The following PTPN12 variants were observed in gnomAD, a reference collection of about 807,000 sequenced individuals.
PTPN12 encodes protein tyrosine phosphatase non-receptor type 12.
Under a neutral mutation model 97.6 loss-of-function variants are expected in PTPN12, and 29 were observed. That is an observed-to-expected ratio of 0.30 (90% CI 0.22 to 0.41). PTPN12 has a LOEUF of 0.41. Ranked by LOEUF, PTPN12 falls within the 10% of genes least tolerant of loss-of-function variation. PTPN12 has a pLI of 1.00. For synonymous variants in PTPN12, 327 were observed against 300.4 expected (o/e 1.09, Z -0.91); for missense variants, 819 against 926.0 (o/e 0.88, Z 1.50).
intron 1 of PTPN12, among the ~76,000 whole-genome samples, chr7:77,570,480 A>G (rs1808425873): frequency 6.6e-6 from 1 of 152,262 alleles, no homozygotes; most frequent in South Asian, 2.1e-4. Context: ...ACTGACACGC[A>G]GAAATATTCC....
intron 14 of PTPN12, among the ~76,000 whole-genome samples, chr7:77,634,374 C>T (rs558640371): frequency 6.6e-6 from 1 of 152,226 alleles, no homozygotes; most frequent in African/African-American, 2.4e-5. Context: ...GTACATTTTA[C>T]CAATATATTA....
chr7:77,634,180 C>G (rs548751936), intron 14 of PTPN12, among the ~76,000 whole-genome samples: 5 of 151,490 alleles, frequency 3.3e-5, no homozygotes, highest in Admixed American at 2.0e-4. Context: ...AGTTTGGTAA[C>G]AGTGAGACCC....
intron 7 of PTPN12, among the ~76,000 whole-genome samples, chr7:77,599,310 G>A (rs943588755): frequency 3.9e-5 from 5 of 129,782 alleles, no homozygotes; most frequent in Non-Finnish European, 6.4e-5. Flanking sequence ...CCCCCACAGC[G>A]CCCCGACTTT....
At chr7:77,605,153 G>T (rs1452194254) in intron 8 of PTPN12, among the ~76,000 whole-genome samples, 1 of 152,004 alleles carries the variant, frequency 6.6e-6, no homozygotes, top group Non-Finnish European at 1.5e-5. Context: ...TTTATTAAGA[G>T]TTTTAAAAAA....
intron 2 of PTPN12, among the ~76,000 whole-genome samples, chr7:77,578,750 A>G (rs911951164): frequency 6.6e-6 from 1 of 152,186 alleles, no homozygotes; most frequent in African/African-American, 2.4e-5. Context: ...ATAATTTGAT[A>G]ATAATAATGG....
rs1377451798 is a variant in PTPN12 at position 77,585,530 on chromosome 7, C to T, written c.382-13C>T. The T allele has an allele frequency of 1.9e-6, 3 of 1,602,066 alleles. No homozygotes were observed. The highest frequency in any genetic ancestry group is 2.7e-5 in the African/African-American group (2 of 74,566). ...ATACGTTCTTTATCTCACTCCCCAC[C>T]ATCACTTTTTAGATCATTGTAATGG... On this transcript the variant is annotated splice_polypyrimidine_tract_variant and intron_variant, in intron 4 of 17. Transcript: ENST00000248594.
intron 2 of PTPN12, among the ~76,000 whole-genome samples, chr7:77,579,286 C>T (rs1384074263): frequency 6.6e-6 from 1 of 152,022 alleles, no homozygotes; most frequent in Non-Finnish European, 1.5e-5. Flanking sequence ...GATGCCCTGC[C>T]AATTTTTTTT....
At chr7:77,629,500 T>C (rs545664225) in intron 13 of PTPN12, among the ~76,000 whole-genome samples, 2 of 152,260 alleles carry the variant, frequency 1.3e-5, no homozygotes, top group South Asian at 4.1e-4. Flanking sequence ...ATCAAGCATG[T>C]GGTATTGTAC....
intron 14 of PTPN12, among the ~76,000 whole-genome samples, chr7:77,635,157 G>C (rs185072746): frequency 6.6e-6 from 1 of 152,316 alleles, no homozygotes; most frequent in Non-Finnish European, 1.5e-5. Flanking sequence ...AAGCACAATG[G>C]CTTATGCCTG....
chr7:77,605,409 GTTTTTTTTTTTT>G (rs751962814), intron 8 of PTPN12, among the ~76,000 whole-genome samples: 8 of 95,560 alleles, frequency 8.4e-5, no homozygotes, highest in Admixed American at 1.3e-4. Flanking sequence ...TTTGTCATGA[GTTTTTTTTTTTT>G]TTTTTTTTTT....
At chr7:77,638,900 AT>A in intron 17 of PTPN12, 169 bp downstream of exon 17, 1 of 1,177,116 alleles carries the variant, frequency 8.5e-7, no homozygotes, top group Non-Finnish European at 1.1e-6. Flanking sequence ...TCACATTGAG[AT>A]TAAAAACTAA....
intron 8 of PTPN12, among the ~76,000 whole-genome samples, chr7:77,601,251 C>G (rs1470730528): frequency 6.6e-6 from 1 of 152,070 alleles, no homozygotes; most frequent in Non-Finnish European, 1.5e-5. Flanking sequence ...AGTGCAGTGG[C>G]ACAATCATAG....
rs1440593136 is a variant in PTPN12 at position 77,609,901 on chromosome 7, AAAAC to A, written c.763-863_763-860del. On this transcript the variant is annotated intron_variant, in intron 9 of 17. Coordinates refer to ENST00000248594, the MANE Select transcript of PTPN12 (RefSeq NM_002835.4). ...GTCTCAAAAAAAAAACAACAAAAAA[AAAAC>A]CCAAAAATCTTATGATGTATATAAG... Among the ~76,000 whole-genome samples, 869 of 151,906 alleles carry A rather than the reference AAAAC, an allele frequency of 5.7e-3. 4 individuals carry two copies. Among genetic ancestry groups the A allele is most frequent in the Middle Eastern group, 0.034 (10 of 292 alleles).
At chr7:77,620,372 A>G (rs1788890962) in intron 12 of PTPN12, among the ~76,000 whole-genome samples, 1 of 152,218 alleles carries the variant, frequency 6.6e-6, no homozygotes, top group South Asian at 2.1e-4. Context: ...CTCAAGACAG[A>G]TTTTTATTAG....
At chr7:77,548,909 CTT>C (rs1807346973) in intron 1 of PTPN12, among the ~76,000 whole-genome samples, 1 of 152,186 alleles carries the variant, frequency 6.6e-6, no homozygotes, top group South Asian at 2.1e-4. Flanking sequence ...TGCTTGGATA[CTT>C]CTCTTTGCTT....
intron 12 of PTPN12, among the ~76,000 whole-genome samples, chr7:77,624,514 A>T (rs1789064214): frequency 6.6e-6 from 1 of 151,810 alleles, no homozygotes; most frequent in South Asian, 2.1e-4. Context: ...ATCTCAGCTC[A>T]CTGCAACCTC....
At chr7:77,547,865 G>C (rs1453567757) in intron 1 of PTPN12, among the ~76,000 whole-genome samples, 2 of 152,196 alleles carry the variant, frequency 1.3e-5, no homozygotes, top group Non-Finnish European at 2.9e-5. Flanking sequence ...TTTTAGATGG[G>C]AAGAACAGGG....
intron 4 of PTPN12, 194 bp from the exon 5 acceptor site, chr7:77,585,349 G>C: frequency 2.0e-6 from 1 of 489,680 alleles, no homozygotes; most frequent in Non-Finnish European, 3.6e-6. Context: ...ATTTGTTGCT[G>C]TATAGTTAGC....
intron 2 of PTPN12, among the ~76,000 whole-genome samples, chr7:77,577,270 C>T (rs2151326189): frequency 6.6e-6 from 1 of 152,252 alleles, no homozygotes; most frequent in Non-Finnish European, 1.5e-5. Flanking sequence ...TGTGTCACTG[C>T]CATCTCAGTT....
Sources: gnomAD v4.1 joint callset for allele counts (sites outside exome capture counted in the v4.1 genomes callset) on GRCh38, gnomAD v4.1.1 for gene constraint, MANE v1.5 for transcripts, NCBI Gene and HGNC (gene_info 2026-07-23, HGNC 2026-07-21) for gene names.